Variants in PRKN observed in about 807,000 individuals in gnomAD.
PRKN encodes parkin RBR E3 ubiquitin protein ligase, also known as E3 ubiquitin-protein ligase parkin.
Under a neutral mutation model 59.5 loss-of-function variants are expected in PRKN, and 56 were observed. That is an observed-to-expected ratio of 0.94 (90% CI 0.76 to 1.18). PRKN has a LOEUF of 1.18. Ranked by LOEUF, PRKN falls within the 50% of genes most tolerant of loss-of-function variation. The pLI, the probability that PRKN is intolerant of heterozygous loss-of-function variation, is 0.00. For missense variants in PRKN, 657 were observed against 596.4 expected (o/e 1.10, Z -1.06); for synonymous variants, 250 against 222.1 (o/e 1.13, Z -1.12).
chr6:161,708,766 C>T (rs1029922579), intron 7 of PRKN, among the ~76,000 whole-genome samples: 1 of 152,156 alleles, frequency 6.6e-6, no homozygotes, highest in African/African-American at 2.4e-5. Flanking sequence ...GATGCAGCGA[C>T]GTGCCCCAGG....
intron 5 of PRKN, among the ~76,000 whole-genome samples, chr6:162,005,182 T>G (rs1782201568): frequency 6.6e-6 from 1 of 152,210 alleles, no homozygotes; most frequent in South Asian, 2.1e-4. Flanking sequence ...TGACAACATA[T>G]TTCAAGCATG....
At chr6:162,289,395 C>T (rs1583320837) in intron 2 of PRKN, among the ~76,000 whole-genome samples, 1 of 152,146 alleles carries the variant, frequency 6.6e-6, no homozygotes, top group African/African-American at 2.4e-5. Context: ...TTCCCAGGTG[C>T]TTCAAAATAG....
chr6:162,262,759 C>G lies in PRKN; in HGVS notation c.178G>C (p.Asp60His). ...TGAACAATGCTCTGCTGATCCAGGTCACAATTCTGTTTGGGAGCAAGGTAA... is the reference window on the plus strand; with the variant it reads ...TGAACAATGCTCTGCTGATCCAGGTGACAATTCTGTTTGGGAGCAAGGTAA... ...LRNDWTVQNCDLDQQSIVHIV... is the reference protein window; with the variant it reads ...LRNDWTVQNCHLDQQSIVHIV... Residue 60 changes from aspartate (D) to histidine (H), a missense_variant, in exon 3 of 12, where the codon GAC becomes CAC. Transcript: ENST00000366898. 20 of 1,494,576 alleles carry G rather than the reference C, an allele frequency of 1.3e-5. No homozygotes were observed. Among genetic ancestry groups the G allele is most frequent in the Non-Finnish European group, 1.8e-5 (20 of 1,086,196 alleles). 92.6% of individuals were successfully genotyped at this position (1,494,576 alleles called of 1,614,324 possible).
At chr6:162,033,569 A>G (rs1408620325) in intron 5 of PRKN, among the ~76,000 whole-genome samples, 2 of 152,178 alleles carry the variant, frequency 1.3e-5, no homozygotes, top group African/African-American at 4.8e-5. Context: ...CCAAAATATC[A>G]TTTCGTAGGG....
intron 7 of PRKN, among the ~76,000 whole-genome samples, chr6:161,602,840 A>G (rs1447708623): frequency 6.6e-6 from 1 of 152,250 alleles, no homozygotes; most frequent in Non-Finnish European, 1.5e-5. Context: ...TCTAGGGAAT[A>G]TAAACAAGAT....
intron 6 of PRKN, among the ~76,000 whole-genome samples, chr6:161,815,032 A>G (rs1484404406): frequency 6.6e-6 from 1 of 151,910 alleles, no homozygotes; most frequent in Admixed American, 6.6e-5. Flanking sequence ...TGACAATGAG[A>G]AAAACTCTCT....
intron 2 of PRKN, among the ~76,000 whole-genome samples, chr6:162,415,376 A>G (rs1328308389): frequency 6.6e-6 from 1 of 152,252 alleles, no homozygotes. Flanking sequence ...AATGAATTCA[A>G]TAAAGGCAGC....
rs541685889 is a variant in PRKN at position 161,405,926 on chromosome 6, T to G, written c.1084-19049A>C. Among the ~76,000 whole-genome samples, 1 of 152,068 alleles carries G rather than the reference T, an allele frequency of 6.6e-6. No homozygotes were observed. The highest frequency in any genetic ancestry group is 1.5e-5 in the Non-Finnish European group (1 of 68,016). On this transcript the variant is annotated intron_variant, in intron 9 of 11. Transcript: ENST00000366898. The surrounding 1 kb of genome is among the most constrained non-coding windows in gnomAD (Gnocchi z 5.1). ...GATGCTTTTCTTTGCTGAAGAGGAA[T>G]GTCAAGTTAATTTCAAGGATCTAAA...
At chr6:161,424,336 C>CAAAA (rs56268660) in intron 9 of PRKN, among the ~76,000 whole-genome samples, 1 of 109,206 alleles carries the variant, frequency 9.2e-6, no homozygotes. Context: ...GATTCTGTCT[C>CAAAA]AAAAAAAAAA....
intron 9 of PRKN, among the ~76,000 whole-genome samples, chr6:161,430,707 C>G (rs1316215143): frequency 6.8e-6 from 1 of 146,232 alleles, no homozygotes; most frequent in Non-Finnish European, 1.5e-5. Context: ...CCCAGCTACT[C>G]GGGAGGCTGA....
At position 161,447,755 on chromosome 6, in the gene PRKN, T is replaced by G. The variant is rs565004277; in HGVS notation, c.1084-60878A>C. Among the ~76,000 whole-genome samples the G allele has an allele frequency of 6.6e-6, 1 of 152,276 alleles. No homozygotes were observed. Among genetic ancestry groups the G allele is most frequent in the East Asian group, 1.9e-4 (1 of 5,172 alleles). On this transcript the variant is annotated intron_variant, in intron 9 of 11. Transcript: ENST00000366898. The surrounding 1 kb of genome is among the most constrained non-coding windows in gnomAD (Gnocchi z 4.1). Reference sequence around the variant, plus strand: ...TGATCAGCCCGCCTCGGCCTCCCAATGTGCTGGGATTACAGGTATGAGCCA... The same window carrying G: ...TGATCAGCCCGCCTCGGCCTCCCAAGGTGCTGGGATTACAGGTATGAGCCA...
Position 161,720,429 on chromosome 6 carries a change from G to A in PRKN, c.871+65343C>T, listed in dbSNP as rs553594380. ...AATGCTGTCAATCCTCCTGTGCCCC[G>A]ACACTGCAGGGTCTGCTCTGGAAGC... On this transcript the variant is annotated intron_variant, in intron 7 of 11. Transcript: ENST00000366898. 3.5e-4 allele frequency among the ~76,000 whole-genome samples: 53 copies of A among 152,142 alleles called. No homozygotes were observed. The South Asian group carries it at 6.6e-3, about 19-fold the overall frequency.
chr6:162,067,632 C>T (rs547234024), intron 4 of PRKN, among the ~76,000 whole-genome samples: 11 of 152,254 alleles, frequency 7.2e-5, no homozygotes, highest in African/African-American at 1.9e-4. Context: ...AGATTACACG[C>T]GACATGCACA....
chr6:162,471,079 T>C (rs1376908749), intron 1 of PRKN, among the ~76,000 whole-genome samples: 3 of 75,818 alleles, frequency 4.0e-5, no homozygotes, highest in Non-Finnish European at 8.9e-5. Flanking sequence ...ATTTTTTATT[T>C]ATTTATTTAT....
intron 2 of PRKN, among the ~76,000 whole-genome samples, chr6:162,389,675 T>G (rs1056596003): frequency 6.6e-5 from 10 of 152,182 alleles, no homozygotes; most frequent in Admixed American, 4.6e-4. Context: ...GACATTAATA[T>G]TCTCAATTTA....
At chr6:162,016,894 G>A (rs1422433057) in intron 5 of PRKN, among the ~76,000 whole-genome samples, 1 of 152,030 alleles carries the variant, frequency 6.6e-6, no homozygotes, top group Non-Finnish European at 1.5e-5. Flanking sequence ...GGATGGGCAG[G>A]ATGGATGCCT....
intron 5 of PRKN, among the ~76,000 whole-genome samples, chr6:162,032,402 G>A (rs990045750): frequency 6.6e-6 from 1 of 152,152 alleles, no homozygotes; most frequent in Non-Finnish European, 1.5e-5. Context: ...CTAAGGCAGA[G>A]ATGGGAGTGA....
At chr6:161,437,785 G>A (rs1283699047) in intron 9 of PRKN, among the ~76,000 whole-genome samples, 1 of 152,162 alleles carries the variant, frequency 6.6e-6, no homozygotes, top group Non-Finnish European at 1.5e-5. Flanking sequence ...CACCTAAGCA[G>A]GGCTAGTCTG....
chr6:162,491,432 C>T (rs1435661661), intron 1 of PRKN, among the ~76,000 whole-genome samples: 2 of 152,202 alleles, frequency 1.3e-5, no homozygotes, highest in Non-Finnish European at 2.9e-5. Flanking sequence ...ACAGAGGTGA[C>T]GCACCAGGTG....
Sources: gnomAD v4.1 joint callset for allele counts (sites outside exome capture counted in the v4.1 genomes callset) on GRCh38, gnomAD v4.1.1 for gene constraint, Gnocchi (gnomAD v3.1) non-coding constraint, MANE v1.5 for transcripts, NCBI Gene and HGNC (gene_info 2026-07-23, HGNC 2026-07-21) for gene names.